EVC: variants seen among roughly 807,000 people sequenced by gnomAD.
EVC encodes EvC ciliary complex subunit 1.
EVC carries 116 observed loss-of-function variants against 118.9 expected under a neutral mutation model. That is an observed-to-expected ratio of 0.98 (90% CI 0.84 to 1.14). EVC has a LOEUF of 1.14. Among genes scored for constraint, EVC ranks in the 50% most tolerant of loss-of-function variants. EVC has a pLI of 0.00. For synonymous variants in EVC, 619 were observed against 534.7 expected (o/e 1.16, Z -2.18); for missense variants, 1,401 against 1,246.4 (o/e 1.12, Z -1.87).
At chr4:5,712,883 T>A (rs1723272199) in intron 1 of EVC, among the ~76,000 whole-genome samples, 7 of 152,220 alleles carry the variant, frequency 4.6e-5, no homozygotes, top group Admixed American at 4.6e-4. Context: ...TATAGACATC[T>A]GGTTCTTTAT....
At position 5,813,902 on chromosome 4, in the gene EVC, T is replaced by G. The variant is rs1717285581; in HGVS notation, c.*2865T>G. 1 of 152,230 alleles carries G rather than the reference T, an allele frequency of 6.6e-6. No individual in the cohort carries two copies. The highest frequency in any genetic ancestry group is 1.5e-5 in the Non-Finnish European group (1 of 68,060). The allele number at this position is 152,230 out of a possible 1,614,324, so 9.4% of individuals were successfully genotyped here. ...TGAAGACGCGTGGGCTGTCGGTGCT[T>G]TCATCCGTCACAAACTGGCACCTGT... is the stretch of plus-strand genomic sequence containing the variant. On this transcript the variant is annotated 3_prime_UTR_variant, in exon 21 of 21. Coordinates refer to ENST00000264956, the MANE Select transcript of EVC (RefSeq NM_153717.3).
chr4:5,747,285 TC>T, intron 7 of EVC, among the ~76,000 whole-genome samples: 1 of 151,938 alleles, frequency 6.6e-6, no homozygotes, highest in African/African-American at 2.4e-5. Flanking sequence ...CCCTGCCCCC[TC>T]CCATGCCCAG....
At chr4:5,782,935 G>A (rs961166466) in intron 11 of EVC, among the ~76,000 whole-genome samples, 1 of 151,974 alleles carries the variant, frequency 6.6e-6, no homozygotes, top group Non-Finnish European at 1.5e-5. Flanking sequence ...GGAGATGCCA[G>A]AGTTAGAGAG....
At chr4:5,779,439 C>T (rs1371788835) in intron 11 of EVC, among the ~76,000 whole-genome samples, 1 of 149,642 alleles carries the variant, frequency 6.7e-6, no homozygotes, top group Non-Finnish European at 1.5e-5. Flanking sequence ...GGCAGTATGG[C>T]CATTTTCACG....
intron 8 of EVC, among the ~76,000 whole-genome samples, chr4:5,751,327 ACT>A (rs1259958301): frequency 6.6e-6 from 1 of 151,612 alleles, no homozygotes; most frequent in African/African-American, 2.4e-5. Flanking sequence ...TTCTCACGCC[ACT>A]CTCTCCACTT....
chr4:5,757,635 C>G (rs1731379239), intron 11 of EVC, among the ~76,000 whole-genome samples: 1 of 152,174 alleles, frequency 6.6e-6, no homozygotes, highest in South Asian at 2.1e-4. Context: ...TTTCTCTGTG[C>G]TTGGAAGACT....
Position 5,798,490 on chromosome 4 carries a change from G to A in EVC, c.2098-96G>A. On this transcript the variant is annotated intron_variant, in intron 14 of 20. Coordinates refer to ENST00000264956, the MANE Select transcript of EVC (RefSeq NM_153717.3). The surrounding 1 kb of genome is among the most constrained non-coding windows in gnomAD (Gnocchi z 4.1). Reference sequence around the variant, plus strand: ...TTTCTCCATCCCTTTTCCAACCCCTGGGCCCTGGATAGGACCAGCCCCACA... The same window carrying A: ...TTTCTCCATCCCTTTTCCAACCCCTAGGCCCTGGATAGGACCAGCCCCACA... 1 of 1,285,210 alleles carries A rather than the reference G, an allele frequency of 7.8e-7. No individual in the cohort carries two copies. Among genetic ancestry groups the A allele is most frequent in the Admixed American group, 2.0e-5 (1 of 50,684 alleles). The allele number at this position is 1,285,210 out of a possible 1,614,324, so 79.6% of individuals were successfully genotyped here. A position where few individuals can be genotyped will look rare whatever the true frequency, so the allele number is the denominator to read the frequency against.
chr4:5,752,001 C>G (rs1730445379), intron 8 of EVC, among the ~76,000 whole-genome samples: 1 of 152,164 alleles, frequency 6.6e-6, no homozygotes. Flanking sequence ...ACAGAACCAT[C>G]AGCATCTCTG....
intron 5 of EVC, among the ~76,000 whole-genome samples, chr4:5,734,625 C>T (rs2151952532): frequency 6.6e-6 from 1 of 152,252 alleles, no homozygotes; most frequent in East Asian, 1.9e-4. Context: ...CCACTGCACT[C>T]CGACCTGGGC....
downstream of EVC, among the ~76,000 whole-genome samples, chr4:5,815,317 C>T (rs1048573429): frequency 6.6e-6 from 1 of 152,134 alleles, no homozygotes; most frequent in Non-Finnish European, 1.5e-5. Context: ...CCTACGAAGG[C>T]TCCTTGAGAA....
chr4:5,757,796 G>A (rs1731405725), intron 11 of EVC, among the ~76,000 whole-genome samples: 1 of 152,070 alleles, frequency 6.6e-6, no homozygotes, highest in Non-Finnish European at 1.5e-5. Flanking sequence ...CAGCCACATG[G>A]GATATTGGAG....
the EVC span, chr4:5,825,872 T>A: frequency 1.9e-6 from 1 of 520,286 alleles, no homozygotes. This position sits in a 1 kb window ranked among gnomAD's most constrained non-coding sequence, Gnocchi z 4.4. Flanking sequence ...TACACACACA[T>A]CTACATACCC....
At chr4:5,741,680 A>G in intron 5 of EVC, 36 bp from the exon 6 acceptor site, 1 of 1,284,664 alleles carries the variant, frequency 7.8e-7, no homozygotes, top group Non-Finnish European at 1.1e-6. Flanking sequence ...CATTGATTAA[A>G]CTTTTCTTTT....
At chr4:5,810,876 C>A (rs1390791664) in intron 20 of EVC, 77 bp from the exon 21 acceptor site, 1 of 1,336,076 alleles carries the variant, frequency 7.5e-7, no homozygotes, top group Non-Finnish European at 1.1e-6. Context: ...TTCATTTAAT[C>A]CGATTGGGTA....
intron 17 of EVC, among the ~76,000 whole-genome samples, chr4:5,807,158 G>A (rs1716052410): frequency 6.6e-6 from 1 of 152,178 alleles, no homozygotes; most frequent in African/African-American, 2.4e-5. Context: ...TGAGGACGGG[G>A]ACTGTGGGTC....
chr4:5,795,331 G>A (rs1310468799), intron 13 of EVC, among the ~76,000 whole-genome samples: 2 of 152,140 alleles, frequency 1.3e-5, no homozygotes, highest in African/African-American at 2.4e-5. Flanking sequence ...TCTAGCTATG[G>A]AATTGGATAA....
the EVC span, among the ~76,000 whole-genome samples, chr4:5,822,772 A>G: frequency 2.0e-5 from 3 of 152,206 alleles, no homozygotes; most frequent in Non-Finnish European, 4.4e-5. Flanking sequence ...GCCTTTCTTC[A>G]TGGTCTACAA....
chr4:5,784,883 C>T (rs568791158), intron 12 of EVC, among the ~76,000 whole-genome samples: 3 of 152,274 alleles, frequency 2.0e-5, no homozygotes, highest in Non-Finnish European at 4.4e-5. Context: ...GCTGGGATTA[C>T]AGGCATGAGC....
Position 5,783,640 on chromosome 4 carries a change from C to G in EVC, c.1652C>G (p.Pro551Arg), listed in dbSNP as rs371682994. ...QTLPGMTGLP[P>R]EECDYLRQEV... Reference sequence around the variant, plus strand: ...CTCCCTGGCATGACTGGCCTCCCCCCGGAAGAGTGTGACTACTTGAGGCAG... The same window carrying G: ...CTCCCTGGCATGACTGGCCTCCCCCGGGAAGAGTGTGACTACTTGAGGCAG... The change falls in exon 12 of 21, where the codon CCG becomes CGG. Residue 551 changes from proline (P) to arginine (R), a missense_variant. By Grantham distance (103) the Pro-to-Arg change is moderately radical. Transcript: ENST00000264956. 3 of 1,614,048 alleles carry G rather than the reference C, an allele frequency of 1.9e-6. No homozygotes were observed. The highest frequency in any genetic ancestry group is 3.3e-5 in the Admixed American group (2 of 60,006).
Sources: allele counts gnomAD v4.1 joint callset (sites outside exome capture counted in the v4.1 genomes callset), GRCh38; gene constraint gnomAD v4.1.1; non-coding constraint Gnocchi (gnomAD v3.1); transcripts MANE v1.5; gene names NCBI Gene and HGNC (gene_info 2026-07-23, HGNC 2026-07-21).